The following PDZRN3 variants were observed in gnomAD, a reference collection of about 807,000 sequenced individuals.
The protein encoded by PDZRN3 is E3 ubiquitin-protein ligase PDZRN3.
A neutral mutation model predicts 85.7 loss-of-function variants in PDZRN3; 38 were observed. That is an observed-to-expected ratio of 0.44 (90% CI 0.34 to 0.58). The LOEUF (loss-of-function observed/expected upper bound fraction) is 0.58, where lower values mean the gene tolerates loss of function less well. Among genes scored for constraint, PDZRN3 ranks in the 20% least tolerant of loss-of-function variants. The pLI is 0.01. For synonymous variants in PDZRN3, 759 were observed against 638.0 expected, an observed-to-expected ratio of 1.19 and a Z score of -2.86; for missense variants, 1,629 against 1,506.4, an observed-to-expected ratio of 1.08 and a Z score of -1.35.
At chr3:73,610,427 G>A (rs147213618) in intron 1 of PDZRN3, among the ~76,000 whole-genome samples, 419 of 152,264 alleles carry the variant, frequency 2.8e-3, no homozygotes, top group Non-Finnish European at 4.8e-3. Context: ...AATTTGAACT[G>A]TAACAAGTTA....
chr3:73,459,609 G>GT (rs1263597384), intron 3 of PDZRN3, among the ~76,000 whole-genome samples: 2 of 152,084 alleles, frequency 1.3e-5, no homozygotes, highest in Admixed American at 1.3e-4. Context: ...GTGGTATTTG[G>GT]TTTTTTTGTT....
chr3:73,446,085 A>G (rs750814533), intron 3 of PDZRN3, among the ~76,000 whole-genome samples: 1 of 152,374 alleles, frequency 6.6e-6, no homozygotes, highest in African/African-American at 2.4e-5. Context: ...TAGAAAGCTG[A>G]TAAGTGGGTG....
chr3:73,613,366 CCACAGGAG>C (rs1702712889), intron 1 of PDZRN3, among the ~76,000 whole-genome samples: 1 of 151,998 alleles, frequency 6.6e-6, no homozygotes, highest in Non-Finnish European at 1.5e-5. Context: ...AAGGGGATGG[CCACAGGAG>C]CAAAGGGGAA....
chr3:73,509,676 T>A (rs1178049878), intron 3 of PDZRN3, among the ~76,000 whole-genome samples: 1 of 152,214 alleles, frequency 6.6e-6, no homozygotes, highest in Non-Finnish European at 1.5e-5. Flanking sequence ...GATTCAGGCT[T>A]TTAGGCCTTT....
chr3:73,397,651 T>A (rs1576034085), intron 5 of PDZRN3, among the ~76,000 whole-genome samples: 4 of 152,160 alleles, frequency 2.6e-5, no homozygotes, highest in African/African-American at 9.7e-5. Context: ...ACCCTTCTGG[T>A]GAGTGGCTGC....
Position 73,597,550 on chromosome 3 carries a change from C to G in PDZRN3, c.918+4804G>C, listed in dbSNP as rs568611341. On this transcript the variant is annotated intron_variant, in intron 3 of 9. Transcript: ENST00000263666. Reference sequence around the variant, plus strand: ...TCAAAGCAGAACAGCGTTTAACCCACGCAATCACTACACAGACTCATTTAT... The same window carrying G: ...TCAAAGCAGAACAGCGTTTAACCCAGGCAATCACTACACAGACTCATTTAT... Among the ~76,000 whole-genome samples, 9 of 152,204 alleles carry G rather than the reference C, an allele frequency of 5.9e-5. No individual in the cohort carries two copies. In the South Asian group the frequency reaches 1.7e-3, roughly 28 times the overall value.
intron 3 of PDZRN3, among the ~76,000 whole-genome samples, chr3:73,414,834 T>C (rs1235436712): frequency 2.0e-5 from 3 of 152,238 alleles, no homozygotes; most frequent in African/African-American, 7.2e-5. Context: ...TTAAAAATAA[T>C]TCTACATCAG....
chr3:73,406,341 G>T (rs978206656), intron 3 of PDZRN3, among the ~76,000 whole-genome samples: 1 of 152,204 alleles, frequency 6.6e-6, no homozygotes, highest in Non-Finnish European at 1.5e-5. Context: ...TGAGGGCTTG[G>T]CATGGGAAGG....
chr3:73,528,013 A>T (rs992565043), intron 3 of PDZRN3, among the ~76,000 whole-genome samples: 4 of 152,246 alleles, frequency 2.6e-5, no homozygotes, highest in Non-Finnish European at 5.9e-5. Flanking sequence ...TTATGTCCAC[A>T]CACAATAAAC....
At chr3:73,622,226 C>T (rs908378653) in intron 1 of PDZRN3, among the ~76,000 whole-genome samples, 2 of 152,164 alleles carry the variant, frequency 1.3e-5, no homozygotes, top group African/African-American at 4.8e-5. Context: ...ATTTGCCCTT[C>T]GCCCAGAGCT....
chr3:73,521,174 C>T (rs1296440895), intron 3 of PDZRN3, among the ~76,000 whole-genome samples: 6 of 152,146 alleles, frequency 3.9e-5, no homozygotes, highest in African/African-American at 7.2e-5. Flanking sequence ...ACTGGGTTGC[C>T]GGTGGACTCG....
At chr3:73,551,764 G>A (rs1454325966) in intron 3 of PDZRN3, among the ~76,000 whole-genome samples, 1 of 150,964 alleles carries the variant, frequency 6.6e-6, no homozygotes, top group African/African-American at 2.4e-5. Context: ...AGCCTACAGA[G>A]AAAATCCTAA....
intron 3 of PDZRN3, among the ~76,000 whole-genome samples, chr3:73,432,315 C>T (rs1007061604): frequency 2.0e-5 from 3 of 152,220 alleles, no homozygotes; most frequent in African/African-American, 7.2e-5. Flanking sequence ...AGATCTCCAA[C>T]ATGTCTCCCA....
chr3:73,595,309 T>C (rs1702416217), intron 3 of PDZRN3, among the ~76,000 whole-genome samples: 1 of 152,172 alleles, frequency 6.6e-6, no homozygotes, highest in Non-Finnish European at 1.5e-5. Flanking sequence ...AGATTTCAAA[T>C]AACATGAATA....
intron 3 of PDZRN3, among the ~76,000 whole-genome samples, chr3:73,416,955 A>C (rs2106764568): frequency 7.5e-6 from 1 of 133,378 alleles, no homozygotes; most frequent in East Asian, 2.1e-4. Flanking sequence ...GCAGTGGTAC[A>C]ATCTTGGCTC....
At chr3:73,458,257 GA>G (rs1703028354) in intron 3 of PDZRN3, among the ~76,000 whole-genome samples, 1 of 151,890 alleles carries the variant, frequency 6.6e-6, no homozygotes, top group African/African-American at 2.4e-5. Context: ...TTCATGAGTG[GA>G]TTCTGCTCGG....
intron 3 of PDZRN3, among the ~76,000 whole-genome samples, chr3:73,428,222 G>A (rs1702357143): frequency 6.6e-6 from 1 of 151,984 alleles, no homozygotes; most frequent in Non-Finnish European, 1.5e-5. Context: ...TGAGCAAGTG[G>A]GTGAGCACCT....
intron 3 of PDZRN3, among the ~76,000 whole-genome samples, chr3:73,459,547 C>A (rs1161464072): frequency 6.6e-6 from 1 of 152,130 alleles, no homozygotes; most frequent in Admixed American, 6.6e-5. Context: ...TTGTTCCCTT[C>A]TTTGTGTCCA....
chr3:73,434,584 T>C (rs1193979566), intron 3 of PDZRN3, among the ~76,000 whole-genome samples: 1 of 152,204 alleles, frequency 6.6e-6, no homozygotes, highest in Non-Finnish European at 1.5e-5. Flanking sequence ...AGTTATTTGT[T>C]GAAGGGCTGC....
Sources: allele counts gnomAD v4.1 joint callset (sites outside exome capture counted in the v4.1 genomes callset), GRCh38; gene constraint gnomAD v4.1.1; transcripts MANE v1.5; gene names NCBI Gene and HGNC (gene_info 2026-07-23, HGNC 2026-07-21).